CRACD: variants seen among roughly 807,000 people sequenced by gnomAD.
The protein encoded by CRACD is capping protein-inhibiting regulator of actin dynamics.
A neutral mutation model predicts 106.8 loss-of-function variants in CRACD; 56 were observed. The ratio of observed to expected loss-of-function variants is 0.52; its 90% CI spans 0.42 to 0.66. The LOEUF is 0.66. CRACD is among the 30% of genes least tolerant of loss of function. CRACD has a pLI of 0.00. For synonymous variants in CRACD, 754 were observed against 670.8 expected (o/e 1.12, Z -1.92); for missense variants, 1,730 against 1,623.2 (o/e 1.07, Z -1.13).
In CRACD at chr4:56,315,589, A is replaced by G; in HGVS notation, c.2087A>G (p.Glu696Gly). The G allele has an allele frequency of 6.2e-7, 1 of 1,614,146 alleles. No homozygotes were observed. The highest frequency in any genetic ancestry group is 8.5e-7 in the Non-Finnish European group (1 of 1,180,022). The change falls in exon 8 of 11, where the codon GAG becomes GGG. Residue 696 changes from glutamate to glycine, a missense_variant. This residue lies in a region of CRACD where 1,620 missense variants were observed against 1,481.6 expected (regional missense o/e 1.09). Transcript: ENST00000682029. This position sits in a 1 kb window ranked among gnomAD's most constrained non-coding sequence, Gnocchi z 4.1. ...AGGGACCAGTTGAGGCCCGGTGATGAGTCCACTCCCAGGGGCCGGTGTGAT... is the reference window on the plus strand; with the variant it reads ...AGGGACCAGTTGAGGCCCGGTGATGGGTCCACTCCCAGGGGCCGGTGTGAT... ...SERDQLRPGD[E>G]STPRGRCDSR...
intron 2 of CRACD, among the ~76,000 whole-genome samples, chr4:56,244,768 T>A (rs1392027693): frequency 6.6e-6 from 1 of 152,244 alleles, no homozygotes. Context: ...CCTGTGGCTG[T>A]CCTGTCTGCT....
At chr4:56,297,290 G>A (rs1343293679) in intron 3 of CRACD, among the ~76,000 whole-genome samples, 7 of 152,130 alleles carry the variant, frequency 4.6e-5, no homozygotes, top group Non-Finnish European at 1.0e-4. Flanking sequence ...TAGAAGTCCA[G>A]ACTTCCTCCA....
At chr4:56,193,662 A>T (rs1737476867) in intron 2 of CRACD, among the ~76,000 whole-genome samples, 2 of 152,212 alleles carry the variant, frequency 1.3e-5, no homozygotes, top group South Asian at 4.1e-4. Flanking sequence ...CTTCAACAAA[A>T]TTGCAAATTG....
At chr4:56,291,323 A>G (rs2109701179) in intron 3 of CRACD, among the ~76,000 whole-genome samples, 1 of 152,236 alleles carries the variant, frequency 6.6e-6, no homozygotes, top group East Asian at 1.9e-4. Context: ...GTCCGGACGA[A>G]CTCTGCTAAG....
chr4:56,266,573 T>C (rs1742033936), intron 2 of CRACD, among the ~76,000 whole-genome samples: 1 of 152,266 alleles, frequency 6.6e-6, no homozygotes, highest in Non-Finnish European at 1.5e-5. Flanking sequence ...TGGCAGTTGT[T>C]CCGGAATATT....
intron 1 of CRACD, among the ~76,000 whole-genome samples, chr4:56,171,225 T>A (rs1363518998): frequency 1.3e-5 from 2 of 151,460 alleles, no homozygotes; most frequent in Non-Finnish European, 2.9e-5. Context: ...GTAACAAACC[T>A]GCACGTTGTG....
At chr4:56,226,126 T>G (rs5012040) in intron 2 of CRACD, among the ~76,000 whole-genome samples, 60,299 of 151,788 alleles carry the variant, frequency 0.4, 12,381 homozygotes, top group African/African-American at 0.51. Context: ...TGGGTCACGT[T>G]GGGTTTTCTA....
chr4:56,078,129 A>C (rs768941532), intron 1 of CRACD, among the ~76,000 whole-genome samples: 1 of 152,220 alleles, frequency 6.6e-6, no homozygotes, highest in South Asian at 2.1e-4. Flanking sequence ...GTACTTATTC[A>C]TGTGGTACAT....
chr4:56,169,750 G>A (rs1736288071), intron 1 of CRACD, among the ~76,000 whole-genome samples: 1 of 152,046 alleles, frequency 6.6e-6, no homozygotes. Flanking sequence ...CACCTGCCTT[G>A]GCGTCCCAAA....
intron 10 of CRACD, among the ~76,000 whole-genome samples, 187 bp downstream of exon 10, chr4:56,324,453 C>T (rs190985312): frequency 6.6e-6 from 1 of 152,332 alleles, no homozygotes; most frequent in East Asian, 1.9e-4. Context: ...CAGGAGCTCA[C>T]CCACTATCAG....
At chr4:56,323,638 A>T in intron 9 of CRACD, 71 bp downstream of exon 9, 1 of 1,383,756 alleles carries the variant, frequency 7.2e-7, no homozygotes, top group Non-Finnish European at 9.6e-7. Context: ...ACAAGGATAC[A>T]AAACAAAAGG....
chr4:56,193,323 G>GC (rs1443128925), intron 2 of CRACD, among the ~76,000 whole-genome samples: 1 of 152,086 alleles, frequency 6.6e-6, no homozygotes, highest in Non-Finnish European at 1.5e-5. Flanking sequence ...TTGTAGGGGG[G>GC]CACACAGAGC....
At chr4:56,237,136 G>T (rs1384751921) in intron 2 of CRACD, among the ~76,000 whole-genome samples, 1 of 151,938 alleles carries the variant, frequency 6.6e-6, no homozygotes, top group Non-Finnish European at 1.5e-5. Context: ...GAAAAAACCT[G>T]GAATAGCTGA....
chr4:56,189,125 G>A (rs1006489093), intron 2 of CRACD, among the ~76,000 whole-genome samples: 1 of 151,924 alleles, frequency 6.6e-6, no homozygotes, highest in African/African-American at 2.4e-5. Flanking sequence ...AGAGGTTGCA[G>A]TGAGCTAAGA....
chr4:56,141,023 A>G (rs1246175093), intron 1 of CRACD, among the ~76,000 whole-genome samples: 1 of 152,230 alleles, frequency 6.6e-6, no homozygotes, highest in African/African-American at 2.4e-5. Context: ...GGAGGCCCAG[A>G]ATAACTTCTA....
chr4:56,060,222 C>T lies in CRACD; in HGVS notation c.-336+10923C>T, dbSNP rs77714249. On this transcript the variant is annotated intron_variant, in intron 1 of 10. Coordinates refer to ENST00000682029, the MANE Select transcript of CRACD (RefSeq NM_001393381.1). The stretch of plus-strand genomic sequence containing the variant: ...TGGTGCGTGTCCCCTGTTTCCTTCT[C>T]GCCTCCCTACTCCAGCTGTTCATGC... 3.4e-4 allele frequency among the ~76,000 whole-genome samples: 51 copies of T among 151,940 alleles called. 1 individual carries two copies. In the East Asian group the frequency reaches 7.3e-3, roughly 22 times the overall value.
At chr4:56,183,124 T>G (rs1255673631) in intron 2 of CRACD, among the ~76,000 whole-genome samples, 1 of 151,298 alleles carries the variant, frequency 6.6e-6, no homozygotes, top group Non-Finnish European at 1.5e-5. Flanking sequence ...TCCCAGCTAC[T>G]CCGGAGGCTG....
intron 2 of CRACD, among the ~76,000 whole-genome samples, chr4:56,267,024 G>A (rs1742059884): frequency 6.6e-6 from 1 of 152,118 alleles, no homozygotes; most frequent in African/African-American, 2.4e-5. Flanking sequence ...GGGCTAAAAT[G>A]TAATTTCTGA....
intron 1 of CRACD, among the ~76,000 whole-genome samples, chr4:56,125,764 C>CTTCTTTTTTTTTTTTTTTTTT (rs1420481544): frequency 4.1e-5 from 3 of 73,298 alleles, no homozygotes; most frequent in African/African-American, 5.4e-5. Flanking sequence ...CATTCTTCTT[C>CTTCTTTTTTTTTTTTTTTTTT]TTTTTTTTTT....
Sources: gnomAD v4.1 joint callset for allele counts (sites outside exome capture counted in the v4.1 genomes callset) on GRCh38, gnomAD v4.1.1 for gene constraint, gnomAD v4.1.1 regional missense constraint, Gnocchi (gnomAD v3.1) non-coding constraint, MANE v1.5 for transcripts, NCBI Gene and HGNC (gene_info 2026-07-23, HGNC 2026-07-21) for gene names.